Variants in ATP11A observed in about 807,000 individuals in gnomAD.
ATP11A encodes phospholipid-transporting ATPase IH.
A neutral mutation model predicts 154.4 loss-of-function variants in ATP11A; 81 were observed. The ratio of observed to expected loss-of-function variants is 0.52; its 90% CI spans 0.44 to 0.63. ATP11A has a LOEUF of 0.63. Ranked by LOEUF, ATP11A falls within the 30% of genes least tolerant of loss-of-function variation. ATP11A has a pLI of 0.00. For missense variants in ATP11A, 1,316 were observed against 1,474.3 expected (o/e 0.89, Z 1.76); for synonymous variants, 623 against 585.9 (o/e 1.06, Z -0.91).
intron 9 of ATP11A, 83 bp downstream of exon 9, chr13:112,823,492 A>G (rs2078854539): frequency 8.4e-7 from 1 of 1,186,102 alleles, no homozygotes; most frequent in Non-Finnish European, 1.2e-6. Flanking sequence ...GCGGAACCCG[A>G]GAGCGTTTCT....
chr13:112,806,383 G>A, intron 4 of ATP11A, 90 bp downstream of exon 4: 1 of 996,572 alleles, frequency 1.0e-6, no homozygotes, highest in South Asian at 1.5e-5. Flanking sequence ...GTTTGTTGTA[G>A]CTAGTTCACA....
intron 28 of ATP11A, 61 bp downstream of exon 28, chr13:112,876,002 A>T (rs1289326164): frequency 6.4e-7 from 1 of 1,552,652 alleles, no homozygotes; most frequent in Non-Finnish European, 8.7e-7. Flanking sequence ...GGATTGGGAG[A>T]TGACCGTTTT....
Position 112,753,933 on chromosome 13 carries a change from G to A in ATP11A, c.40-31202G>A, listed in dbSNP as rs939784384. Among the ~76,000 whole-genome samples, 2 of 152,164 alleles carry A rather than the reference G, an allele frequency of 1.3e-5. No individual in the cohort carries two copies. The highest frequency in any genetic ancestry group is 4.8e-5 in the African/African-American group (2 of 41,432). Reference sequence around the variant, plus strand: ...AAGAAGCCATCTATGTTCTTCCTGGGGCATCATTTGAGCTCATTACGTGGA... The same window carrying A: ...AAGAAGCCATCTATGTTCTTCCTGGAGCATCATTTGAGCTCATTACGTGGA... On this transcript the variant is annotated intron_variant, in intron 1 of 29. Coordinates refer to ENST00000375645, the MANE Select transcript of ATP11A (RefSeq NM_015205.3). This position sits in a 1 kb window ranked among gnomAD's most constrained non-coding sequence, Gnocchi z 4.1.
intron 2 of ATP11A, among the ~76,000 whole-genome samples, chr13:112,795,305 A>T (rs1048596984): frequency 6.6e-6 from 1 of 152,250 alleles, no homozygotes; most frequent in African/African-American, 2.4e-5. Flanking sequence ...TCCAGGCCTG[A>T]TGGAAGTAGA....
Position 112,854,447 on chromosome 13 carries a change from G to T in ATP11A, c.2160G>T (p.Glu720Asp). ...AGCTGACCACCAAGAGGATCGAGGA[G>T]CAGAGCCTGCACGACGTCCTGTTCG... is the stretch of plus-strand genomic sequence containing the variant. ...LLELTTKRIE[E>D]QSLHDVLFEL... Residue 720 changes from glutamate to aspartate, a missense_variant, in exon 19 of 30, where the codon GAG becomes GAT. Glu to Asp is a conservative substitution (Grantham distance 45, BLOSUM62 2). Transcript: ENST00000375645. 1 of 1,613,074 alleles carries T rather than the reference G, an allele frequency of 6.2e-7. No homozygotes were observed. The highest frequency in any genetic ancestry group is 8.5e-7 in the Non-Finnish European group (1 of 1,180,028).
At chr13:112,719,665 CTTCAGG>C (rs1888928179) in intron 1 of ATP11A, among the ~76,000 whole-genome samples, 2 of 152,170 alleles carry the variant, frequency 1.3e-5, no homozygotes, top group South Asian at 4.2e-4. Flanking sequence ...CTTCAGGTTA[CTTCAGG>C]TTACTTCTTT....
chr13:112,749,659 G>T (rs1019562292), intron 1 of ATP11A, among the ~76,000 whole-genome samples: 9 of 152,290 alleles, frequency 5.9e-5, no homozygotes, highest in Admixed American at 4.6e-4. Context: ...AAGGGAAGGA[G>T]AGTCTCCATC....
chr13:112,855,319 A>G (rs1339796479), intron 19 of ATP11A, among the ~76,000 whole-genome samples: 1 of 152,198 alleles, frequency 6.6e-6, no homozygotes, highest in Non-Finnish European at 1.5e-5. Flanking sequence ...CTCCTGCCTC[A>G]GCTTCCCAAG....
At chr13:112,831,579 TGTGA>T (rs779043270) in intron 13 of ATP11A, 31 bp downstream of exon 13, 58 of 1,604,470 alleles carry the variant, frequency 3.6e-5, no homozygotes, top group Non-Finnish European at 4.9e-5. Context: ...CGTCCAAGTG[TGTGA>T]GTGAGTGGGC....
At chr13:112,837,650 C>T (rs2079274142) in intron 16 of ATP11A, among the ~76,000 whole-genome samples, 2 of 148,246 alleles carry the variant, frequency 1.3e-5, no homozygotes, top group South Asian at 4.3e-4. Flanking sequence ...GGAAAGATGC[C>T]TGGCAAACAA....
intron 1 of ATP11A, among the ~76,000 whole-genome samples, chr13:112,724,388 G>A (rs1208851979): frequency 2.6e-5 from 4 of 151,896 alleles, no homozygotes; most frequent in African/African-American, 4.8e-5. Context: ...GGAAGGACTC[G>A]CGGAACTCAG....
At chr13:112,837,514 C>A (rs1036440011) in intron 16 of ATP11A, among the ~76,000 whole-genome samples, 1 of 152,236 alleles carries the variant, frequency 6.6e-6, no homozygotes, top group Non-Finnish European at 1.5e-5. Context: ...CCGCCGAGTG[C>A]TCCCAAATCC....
chr13:112,849,730 AGTG>A (rs1251781026), intron 17 of ATP11A, among the ~76,000 whole-genome samples: 1 of 152,220 alleles, frequency 6.6e-6, no homozygotes, highest in Non-Finnish European at 1.5e-5. Flanking sequence ...CCAGGGATTC[AGTG>A]GTGAAGTCAG....
intron 29 of ATP11A, chr13:112,880,782 C>A: frequency 8.7e-7 from 1 of 1,153,118 alleles, no homozygotes; most frequent in Non-Finnish European, 1.1e-6. Context: ...TCTTTACACA[C>A]ACATGCATTT....
chr13:112,725,410 C>T (rs1230885431), intron 1 of ATP11A, among the ~76,000 whole-genome samples: 2 of 152,220 alleles, frequency 1.3e-5, no homozygotes, highest in Non-Finnish European at 2.9e-5. Context: ...ATGCACCAGC[C>T]TCCTTCGCCC....
intron 1 of ATP11A, among the ~76,000 whole-genome samples, chr13:112,768,357 C>T (rs939101681): frequency 2.0e-5 from 3 of 152,212 alleles, no homozygotes; most frequent in African/African-American, 4.8e-5. Flanking sequence ...GCCTCTCCAG[C>T]GGACGCTGCA....
In ATP11A at chr13:112,785,203, C is replaced by A. The variant is rs753156635; in HGVS notation, c.108C>A (p.Gly36=). The part of the protein sequence containing the change: ...IYVGHREPPP[G]AEAYIPQRYP... Reference sequence around the variant, plus strand: ...TGGGACACAGGGAGCCACCTCCGGGCGCAGAGGCCTACATCCCACAGAGAT... The same window carrying A: ...TGGGACACAGGGAGCCACCTCCGGGAGCAGAGGCCTACATCCCACAGAGAT... The change falls in exon 2 of 30, where the codon GGC becomes GGA. Residue 36 remains glycine, a synonymous_variant. Coordinates refer to ENST00000375645, the MANE Select transcript of ATP11A (RefSeq NM_015205.3). This position sits in a 1 kb window ranked among gnomAD's most constrained non-coding sequence, Gnocchi z 4.8. 3.2e-6 allele frequency: 5 copies of A among 1,577,322 alleles called. No individual in the cohort carries two copies. The highest frequency in any genetic ancestry group is 4.3e-6 in the Non-Finnish European group (5 of 1,162,728).
intron 19 of ATP11A, 81 bp from the exon 20 acceptor site, chr13:112,855,830 C>T (rs1002448205): frequency 1.7e-5 from 22 of 1,310,226 alleles, no homozygotes; most frequent in South Asian, 7.7e-5. Flanking sequence ...TAGCATCTGT[C>T]GATATCCAAA....
intron 5 of ATP11A, among the ~76,000 whole-genome samples, chr13:112,811,252 A>T (rs565049657): frequency 4.8e-4 from 72 of 149,346 alleles, no homozygotes; most frequent in African/African-American, 1.7e-3. Flanking sequence ...GGAATATAAA[A>T]TCATTATCAC....
Sources: allele counts gnomAD v4.1 joint callset (sites outside exome capture counted in the v4.1 genomes callset), GRCh38; gene constraint gnomAD v4.1.1; non-coding constraint Gnocchi (gnomAD v3.1); transcripts MANE v1.5; gene names NCBI Gene and HGNC (gene_info 2026-07-23, HGNC 2026-07-21).